Variants in DCN observed in about 807,000 individuals in gnomAD.
The protein encoded by DCN is bone proteoglycan II.
DCN carries 17 observed loss-of-function variants against 36.5 expected under a neutral mutation model. The ratio of observed to expected loss-of-function variants is 0.47; its 90% CI spans 0.32 to 0.70. DCN has a LOEUF of 0.70. Among genes scored for constraint, DCN ranks in the 30% least tolerant of loss-of-function variants. DCN has a pLI of 0.04. For missense variants in DCN, 389 were observed against 430.1 expected (o/e 0.90, Z 0.84); for synonymous variants, 163 against 161.4 (o/e 1.01, Z -0.07).
rs915989689 is a variant in DCN, at chr12:91,142,070, T to C, written c.*3988A>G. 1 of 152,242 alleles carries C rather than the reference T, an allele frequency of 6.6e-6. No individual in the cohort carries two copies. Among genetic ancestry groups the C allele is most frequent in the Non-Finnish European group, 1.5e-5 (1 of 68,034 alleles). 9.4% of individuals were successfully genotyped at this position (152,242 alleles called of 1,614,324 possible). On this transcript the variant is annotated 3_prime_UTR_variant, in exon 8 of 8. Coordinates refer to ENST00000052754, the MANE Select transcript of DCN (RefSeq NM_001920.5). ...ACTTTGTGGTGTGAAATTGACAGTCTGTCACAGACCTGTGATTTGAAATAA... is the reference window on the plus strand; with the variant it reads ...ACTTTGTGGTGTGAAATTGACAGTCCGTCACAGACCTGTGATTTGAAATAA...
rs746492042 is a variant in DCN, at chr12:91,158,341, C to T, written c.493G>A (p.Val165Met). The T allele has an allele frequency of 1.9e-6, 3 of 1,613,898 alleles. No homozygotes were observed. Among genetic ancestry groups the T allele is most frequent in the East Asian group, 4.5e-5 (2 of 44,864 alleles). Residue 165 changes from valine to methionine, a missense_variant, in exon 4 of 8, where the codon GTG becomes ATG. Transcript: ENST00000052754. ...AGTCCATTGAAAGTAACTTTTCGCA[C>T]TTTGGTGATCTCATTCTCATGGGCA... Reference protein sequence around the residue: ...LRAHENEITKVRKVTFNGLNQ... With the variant: ...LRAHENEITKMRKVTFNGLNQ...
chr12:91,176,200 T>C (rs911091878), intron 2 of DCN: 8 of 152,134 alleles, frequency 5.3e-5, no homozygotes, highest in Admixed American at 1.3e-4. Flanking sequence ...CATCTGTAAA[T>C]TTTAAAATAT....
chr12:91,172,729 C>A (rs1183894320), intron 2 of DCN: 1 of 698,018 alleles, frequency 1.4e-6, no homozygotes, highest in East Asian at 2.7e-5. Context: ...TTCATCCAAG[C>A]ATTAATTCAA....
intron 2 of DCN, among the ~76,000 whole-genome samples, chr12:91,171,640 T>C (rs1180300445): frequency 6.6e-5 from 10 of 152,218 alleles, no homozygotes; most frequent in Non-Finnish European, 1.3e-4. Flanking sequence ...AGAGAGGCTG[T>C]CTGAGGCAAT....
intron 6 of DCN, among the ~76,000 whole-genome samples, chr12:91,152,623 T>A (rs1881506921): frequency 6.6e-6 from 1 of 152,166 alleles, no homozygotes; most frequent in African/African-American, 2.4e-5. Context: ...AGATATTTTA[T>A]TTTAAACTTT....
intron 3 of DCN, among the ~76,000 whole-genome samples, chr12:91,163,488 C>A (rs1006185410): frequency 2.0e-5 from 3 of 152,136 alleles, no homozygotes; most frequent in Non-Finnish European, 1.5e-5. Flanking sequence ...CCCTCAAATT[C>A]TTCTAGACCT....
chr12:91,164,581 G>T, intron 3 of DCN, 24 bp downstream of exon 3: 1 of 1,282,302 alleles, frequency 7.8e-7, no homozygotes, highest in Non-Finnish European at 1.1e-6. Flanking sequence ...ATCTTATTGT[G>T]AGTTAAAAAA....
At position 91,148,721 on chromosome 12, in the gene DCN, C is replaced by CAAAAAAA. The variant is rs5799978; in HGVS notation, c.886-2476_886-2470dup. ...GGTGACAGAGCGAGACGCTCCGACTCAAAAAAAAAAAAAAAAAAAAAAAAA... is the reference window on the plus strand; with the variant it reads ...GGTGACAGAGCGAGACGCTCCGACTCAAAAAAAAAAAAAAAAAAAAAAAAAAAAAAAA... On this transcript the variant is annotated intron_variant, in intron 7 of 7. Transcript: ENST00000052754. Among the ~76,000 whole-genome samples the CAAAAAAA allele has an allele frequency of 4.5e-3, 223 of 49,460 alleles. 10 individuals carry two copies. The highest frequency in any genetic ancestry group is 7.2e-3 in the African/African-American group (109 of 15,220). The allele number at this position is 49,460 out of a possible 152,430, so 32.4% of individuals were successfully genotyped here.
At chr12:91,177,995 A>G (rs1341176822) in intron 2 of DCN, among the ~76,000 whole-genome samples, 1 of 152,184 alleles carries the variant, frequency 6.6e-6, no homozygotes, top group African/African-American at 2.4e-5. Context: ...TAGAATTAAG[A>G]TTAAACCATT....
At chr12:91,158,258 C>T (rs1881927780) in intron 4 of DCN, 38 bp downstream of exon 4, 1 of 1,312,990 alleles carries the variant, frequency 7.6e-7, no homozygotes, top group Non-Finnish European at 1.1e-6. Flanking sequence ...AAGATAAAAA[C>T]TTGAGTTTTG....
In DCN at chr12:91,173,035, T is replaced by A. The variant is rs1408510159; in HGVS notation, c.211+5307A>T. On this transcript the variant is annotated intron_variant, in intron 2 of 7. Transcript: ENST00000052754. ...AAGTTAAAGCAGTCCACAGACTAAG[T>A]CAAGAGTAACTGAGTCTTTACTGTT... Among the ~76,000 whole-genome samples, 3 of 152,052 alleles carry A rather than the reference T, an allele frequency of 2.0e-5. No homozygotes were observed. In the East Asian group the frequency reaches 5.8e-4, roughly 29 times the overall value.
In DCN at chr12:91,144,300, C is replaced by A. The variant is rs1238191477; in HGVS notation, c.*1758G>T. On this transcript the variant is annotated 3_prime_UTR_variant, in exon 8 of 8. Transcript: ENST00000052754. ...ATGAAGGGTGCATTATTCATGGTTACAACAGAGAGAAGGATGCATCATTCA... is the reference window on the plus strand; with the variant it reads ...ATGAAGGGTGCATTATTCATGGTTAAAACAGAGAGAAGGATGCATCATTCA... 6.6e-6 allele frequency: 1 copy of A among 152,100 alleles called. No individual in the cohort carries two copies. The highest frequency in any genetic ancestry group is 1.5e-5 in the Non-Finnish European group (1 of 68,022). 9.4% of individuals were successfully genotyped at this position (152,100 alleles called of 1,614,324 possible).
intron 5 of DCN, among the ~76,000 whole-genome samples, chr12:91,155,720 A>G (rs567479784): frequency 3.9e-4 from 60 of 152,278 alleles, no homozygotes; most frequent in Admixed American, 2.0e-3. Flanking sequence ...ATAGCAAAAG[A>G]TTACTTGTTA....
At chr12:91,171,179 G>T (rs1021142113) in intron 2 of DCN, among the ~76,000 whole-genome samples, 7 of 152,124 alleles carry the variant, frequency 4.6e-5, no homozygotes, top group Admixed American at 3.9e-4. Context: ...TTAAGTAGAA[G>T]AATTAAGTAA....
chr12:91,157,260 C>T (rs1340926798), intron 4 of DCN, 72 bp from the exon 5 acceptor site: 13 of 1,042,174 alleles, frequency 1.2e-5, no homozygotes, highest in Non-Finnish European at 1.7e-5. Context: ...GTATCTGTTT[C>T]AGCAAGCAAC....
chr12:91,154,550 A>G (rs1371714386), intron 5 of DCN, among the ~76,000 whole-genome samples: 1 of 152,124 alleles, frequency 6.6e-6, no homozygotes, highest in African/African-American at 2.4e-5. Flanking sequence ...CCAAATGTAA[A>G]GTTATAGCTA....
intron 5 of DCN, among the ~76,000 whole-genome samples, chr12:91,156,695 C>CT (rs76405331): frequency 0.13 from 19,125 of 142,368 alleles, 1,554 homozygotes; most frequent in East Asian, 0.37. Context: ...TCCCATATAT[C>CT]TTTTTTTTTT....
chr12:91,174,454 T>A (rs1303519449), intron 2 of DCN, among the ~76,000 whole-genome samples: 1 of 152,104 alleles, frequency 6.6e-6, no homozygotes, highest in African/African-American at 2.4e-5. Context: ...GAGTCTCTAA[T>A]AAGTATATGG....
chr12:91,181,498 TAAG>T (rs1159281612), intron 1 of DCN, among the ~76,000 whole-genome samples: 1 of 152,090 alleles, frequency 6.6e-6, no homozygotes, highest in Non-Finnish European at 1.5e-5. Flanking sequence ...GAAACTGTTT[TAAG>T]TAGTCTAAAA....
Sources: allele counts gnomAD v4.1 joint callset (sites outside exome capture counted in the v4.1 genomes callset), GRCh38; gene constraint gnomAD v4.1.1; transcripts MANE v1.5; gene names NCBI Gene and HGNC (gene_info 2026-07-23, HGNC 2026-07-21).